Variants in CSMD1 observed in about 807,000 individuals in gnomAD.
CSMD1 encodes the protein CUB and sushi domain-containing protein 1.
In CSMD1, 213 loss-of-function variants were observed where a neutral mutation model predicts 417.5. The ratio of observed to expected loss-of-function variants is 0.51; its 90% CI spans 0.46 to 0.57. CSMD1 has a LOEUF of 0.57. Ranked by LOEUF, CSMD1 falls within the 20% of genes least tolerant of loss-of-function variation. The pLI, the probability that CSMD1 is intolerant of heterozygous loss-of-function variation, is 0.00. For synonymous variants in CSMD1, 2,862 were observed against 1,736.8 expected (o/e 1.65, Z -16.11); for missense variants, 6,923 against 4,529.7 (o/e 1.53, Z -15.17).
chr8:3,627,833 G>C (rs577793431), intron 7 of CSMD1, among the ~76,000 whole-genome samples: 5 of 152,252 alleles, frequency 3.3e-5, no homozygotes, highest in African/African-American at 1.2e-4. Flanking sequence ...TAAGGTGTCT[G>C]ATTTCAAAGC....
At chr8:3,414,063 C>T (rs1314557744) in intron 12 of CSMD1, among the ~76,000 whole-genome samples, 1 of 149,808 alleles carries the variant, frequency 6.7e-6, no homozygotes, top group East Asian at 2.0e-4. Context: ...TACTTGAAAC[C>T]AGGAGGTGGA....
chr8:3,638,690 C>T (rs1040606790), intron 7 of CSMD1, among the ~76,000 whole-genome samples: 9 of 152,010 alleles, frequency 5.9e-5, no homozygotes, highest in African/African-American at 1.5e-4. Flanking sequence ...ACCAGAAAGT[C>T]GACACATGGG....
chr8:4,189,251 T>C lies in CSMD1; in HGVS notation c.416-157152A>G, dbSNP rs1418380730. 2.6e-5 allele frequency among the ~76,000 whole-genome samples: 4 copies of C among 152,208 alleles called. No individual in the cohort carries two copies. In the East Asian group the frequency reaches 7.7e-4, roughly 29 times the overall value. ...CCCATAACAGATCTAAGCCCACCTT[T>C]GCCCATCTGTAGAGAAACACTTCCT... is the stretch of plus-strand genomic sequence containing the variant. On this transcript the variant is annotated intron_variant, in intron 3 of 69. Coordinates refer to ENST00000635120, the MANE Select transcript of CSMD1 (RefSeq NM_033225.6).
intron 2 of CSMD1, among the ~76,000 whole-genome samples, chr8:4,589,833 T>C (rs758025990): frequency 1.3e-5 from 2 of 152,230 alleles, no homozygotes; most frequent in Non-Finnish European, 2.9e-5. Flanking sequence ...TGGCAGTTTC[T>C]GGAATGCAGC....
At chr8:4,228,947 G>T (rs1370356661) in intron 3 of CSMD1, among the ~76,000 whole-genome samples, 1 of 152,098 alleles carries the variant, frequency 6.6e-6, no homozygotes, top group South Asian at 2.1e-4. Flanking sequence ...GATTACAGGA[G>T]TGAGCCACTG....
chr8:4,501,555 G>A (rs1276977376), intron 2 of CSMD1, among the ~76,000 whole-genome samples: 2 of 152,084 alleles, frequency 1.3e-5, no homozygotes, highest in Admixed American at 6.6e-5. Flanking sequence ...GGTCAACTGT[G>A]GTCCACTGAG....
intron 2 of CSMD1, among the ~76,000 whole-genome samples, chr8:4,471,630 G>A (rs967761859): frequency 6.6e-5 from 10 of 152,090 alleles, no homozygotes; most frequent in African/African-American, 2.2e-4. Context: ...TAACTCTGCG[G>A]CGACTGGTTG....
chr8:3,994,558 C>G (rs1239297455), intron 5 of CSMD1, among the ~76,000 whole-genome samples: 3 of 151,246 alleles, frequency 2.0e-5, no homozygotes, highest in African/African-American at 7.3e-5. Context: ...CTCAAAATGG[C>G]AACTCTCTGT....
chr8:4,107,300 T>G (rs897864985), intron 3 of CSMD1, among the ~76,000 whole-genome samples: 4 of 152,082 alleles, frequency 2.6e-5, no homozygotes, highest in African/African-American at 9.7e-5. Flanking sequence ...ACTGCCTCAT[T>G]TAGAACTTCC....
chr8:4,213,238 G>A (rs1216314641), intron 3 of CSMD1, among the ~76,000 whole-genome samples: 1 of 152,108 alleles, frequency 6.6e-6, no homozygotes, highest in Non-Finnish European at 1.5e-5. Flanking sequence ...AACCAGCTGG[G>A]TGGCTCCATT....
chr8:4,849,441 G>A (rs1031906694), intron 1 of CSMD1, among the ~76,000 whole-genome samples: 2 of 151,844 alleles, frequency 1.3e-5, no homozygotes, highest in African/African-American at 2.4e-5. Context: ...AGTGTACAAC[G>A]GTTGTAAAGT....
At chr8:3,574,544 G>C (rs1431942720) in intron 10 of CSMD1, among the ~76,000 whole-genome samples, 2 of 152,136 alleles carry the variant, frequency 1.3e-5, no homozygotes, top group African/African-American at 4.8e-5. Flanking sequence ...ACTGAGCCCG[G>C]CCAAAAGACA....
At chr8:3,983,172 C>G (rs959166359) in intron 5 of CSMD1, among the ~76,000 whole-genome samples, 4 of 149,806 alleles carry the variant, frequency 2.7e-5, no homozygotes, top group Non-Finnish European at 4.4e-5. Flanking sequence ...GCTCTGTCAC[C>G]CAGGCTGGAG....
chr8:3,666,398 T>C (rs889631756), intron 7 of CSMD1, among the ~76,000 whole-genome samples: 2 of 152,316 alleles, frequency 1.3e-5, no homozygotes, highest in Non-Finnish European at 2.9e-5. Flanking sequence ...GATTAAAAAT[T>C]TGAAAATATC....
intron 49 of CSMD1, among the ~76,000 whole-genome samples, chr8:3,062,114 T>C (rs17079232): frequency 0.26 from 39,404 of 152,176 alleles, 5,733 homozygotes; most frequent in East Asian, 0.34. Flanking sequence ...AAAGGCCACA[T>C]TGAATTTGAG....
At chr8:4,454,077 C>T (rs1208802087) in intron 2 of CSMD1, among the ~76,000 whole-genome samples, 1 of 152,092 alleles carries the variant, frequency 6.6e-6, no homozygotes, top group Admixed American at 6.5e-5. Context: ...CCGCCTCGGC[C>T]TCCCTAAGTG....
At chr8:4,609,268 G>C (rs562442825) in intron 2 of CSMD1, among the ~76,000 whole-genome samples, 1 of 152,198 alleles carries the variant, frequency 6.6e-6, no homozygotes, top group Non-Finnish European at 1.5e-5. Flanking sequence ...GGGCATGCTG[G>C]TGTGTGCCTT....
chr8:4,004,572 C>G (rs377380206), intron 4 of CSMD1, among the ~76,000 whole-genome samples: 29 of 152,030 alleles, frequency 1.9e-4, no homozygotes, highest in African/African-American at 6.3e-4. Flanking sequence ...GTATTATAAA[C>G]AAAACATATT....
At chr8:3,247,570 G>C (rs928333634) in intron 26 of CSMD1, among the ~76,000 whole-genome samples, 1 of 152,156 alleles carries the variant, frequency 6.6e-6, no homozygotes, top group Non-Finnish European at 1.5e-5. Context: ...AATACGCAGA[G>C]GATGGCCCAG....
Sources: allele counts gnomAD v4.1 joint callset (sites outside exome capture counted in the v4.1 genomes callset), GRCh38; gene constraint gnomAD v4.1.1; transcripts MANE v1.5; gene names NCBI Gene and HGNC (gene_info 2026-07-23, HGNC 2026-07-21).